The following HERC3 variants were observed in gnomAD, a reference collection of about 807,000 sequenced individuals.
The protein encoded by HERC3 is HECT and RLD domain containing E3 ubiquitin protein ligase 3.
HERC3 carries 58 observed loss-of-function variants against 129.9 expected under a neutral mutation model. The observed-to-expected ratio is 0.45, with a 90% CI of 0.36 to 0.56. HERC3 has a LOEUF of 0.56. HERC3 is among the 20% of genes least tolerant of loss of function. The pLI is 0.00. For synonymous variants in HERC3, 430 were observed against 451.0 expected, an observed-to-expected ratio of 0.95 and a Z score of 0.59; for missense variants, 835 against 1,244.2, an observed-to-expected ratio of 0.67 and a Z score of 4.95.
At chr4:88,663,609 G>T (rs1376022908) in intron 11 of HERC3, among the ~76,000 whole-genome samples, 3 of 152,124 alleles carry the variant, frequency 2.0e-5, no homozygotes, top group African/African-American at 7.2e-5. Flanking sequence ...AAGGCCCAGG[G>T]TTCCTGATGT....
At chr4:88,550,859 G>A in the HERC3 span, among the ~76,000 whole-genome samples, 1 of 151,886 alleles carries the variant, frequency 6.6e-6, no homozygotes, top group African/African-American at 2.4e-5. Flanking sequence ...AAAGCTGGAG[G>A]CATCACGTTA....
intron 3 of HERC3, among the ~76,000 whole-genome samples, chr4:88,639,113 C>T (rs571148848): frequency 6.6e-6 from 1 of 152,292 alleles, no homozygotes; most frequent in East Asian, 1.9e-4. Flanking sequence ...AATGGAAGAA[C>T]ATTCCATCCT....
intron 21 of HERC3, among the ~76,000 whole-genome samples, chr4:88,681,831 G>A (rs1051292134): frequency 6.6e-6 from 1 of 152,096 alleles, no homozygotes; most frequent in Non-Finnish European, 1.5e-5. Flanking sequence ...AGAAACACTC[G>A]AATTATTCTA....
At chr4:88,565,545 C>G in the HERC3 span, among the ~76,000 whole-genome samples, 15 of 152,202 alleles carry the variant, frequency 9.9e-5, no homozygotes, top group Admixed American at 9.8e-4. Context: ...ATAAGTATAG[C>G]TACTCCTACT....
upstream of HERC3, among the ~76,000 whole-genome samples, chr4:88,589,608 A>C (rs758367103): frequency 3.9e-5 from 6 of 152,196 alleles, no homozygotes; most frequent in Non-Finnish European, 7.3e-5. Context: ...TGCAGAAAGA[A>C]ATGGATGGAA....
chr4:88,701,590 C>T (rs1735320752), intron 23 of HERC3, among the ~76,000 whole-genome samples: 1 of 152,082 alleles, frequency 6.6e-6, no homozygotes, highest in East Asian at 1.9e-4. Flanking sequence ...CCACAGTCAA[C>T]AGGTATTTGC....
chr4:88,582,043 C>T, the HERC3 span, among the ~76,000 whole-genome samples: 1 of 152,154 alleles, frequency 6.6e-6, no homozygotes, highest in African/African-American at 2.4e-5. Context: ...ACCCCGTATA[C>T]TAAAGACATC....
At chr4:88,571,511 C>T in the HERC3 span, among the ~76,000 whole-genome samples, 1 of 152,052 alleles carries the variant, frequency 6.6e-6, no homozygotes, top group African/African-American at 2.4e-5. Flanking sequence ...TTTCTTTTTT[C>T]CCCCAGATCC....
the HERC3 span, among the ~76,000 whole-genome samples, chr4:88,563,110 A>G: frequency 6.6e-6 from 1 of 152,218 alleles, no homozygotes; most frequent in Non-Finnish European, 1.5e-5. Flanking sequence ...CATTTTAACA[A>G]TATTGATTAT....
the HERC3 span, among the ~76,000 whole-genome samples, chr4:88,558,088 A>AG: frequency 6.9e-6 from 1 of 145,506 alleles, no homozygotes; most frequent in African/African-American, 2.8e-5. Flanking sequence ...AAAAAAAAAA[A>AG]AAAAAAAGAA....
chr4:88,673,583 A>G (rs2149306132), intron 16 of HERC3, among the ~76,000 whole-genome samples: 1 of 152,320 alleles, frequency 6.6e-6, no homozygotes. Flanking sequence ...GTCCAAGACA[A>G]GTAGCCTCTC....
rs865867079 is a variant in HERC3 at position 88,633,949 on chromosome 4, C to T, written c.227-15891C>T. 8.5e-5 allele frequency among the ~76,000 whole-genome samples: 13 copies of T among 152,202 alleles called. No homozygotes were observed. In the East Asian group the frequency reaches 1.2e-3, roughly 14 times the overall value. Reference sequence around the variant, plus strand: ...GATTAAATGGTCAATTCGAGGGGGGCGGGGCCGAGATGGCCGATTGGAAGC... The same window carrying T: ...GATTAAATGGTCAATTCGAGGGGGGTGGGGCCGAGATGGCCGATTGGAAGC... On this transcript the variant is annotated intron_variant, in intron 3 of 25. Transcript: ENST00000402738.
At chr4:88,584,312 A>C in the HERC3 span, among the ~76,000 whole-genome samples, 4 of 152,210 alleles carry the variant, frequency 2.6e-5, no homozygotes, top group Non-Finnish European at 5.9e-5. Flanking sequence ...ATTTGAAGGG[A>C]AACTATTTAA....
At chr4:88,584,882 T>A in the HERC3 span, among the ~76,000 whole-genome samples, 1 of 152,248 alleles carries the variant, frequency 6.6e-6, no homozygotes, top group Non-Finnish European at 1.5e-5. Context: ...AAGAGGGATC[T>A]GGGTGACAAC....
chr4:88,523,972 A>G, the HERC3 span: 1 of 448,830 alleles, frequency 2.2e-6, no homozygotes, highest in Non-Finnish European at 3.9e-6. Flanking sequence ...AAACTAAACC[A>G]GTGTTTAAGT....
At chr4:88,584,751 A>C in the HERC3 span, among the ~76,000 whole-genome samples, 1 of 152,238 alleles carries the variant, frequency 6.6e-6, no homozygotes. Context: ...TGAATTTCCT[A>C]GCCTCCAGAC....
chr4:88,692,608 C>T (rs992531768), intron 23 of HERC3, among the ~76,000 whole-genome samples: 5 of 152,176 alleles, frequency 3.3e-5, no homozygotes, highest in African/African-American at 9.7e-5. Flanking sequence ...TGGACTATTA[C>T]AGGAACTGCA....
chr4:88,705,047 G>C (rs985033933), intron 25 of HERC3, among the ~76,000 whole-genome samples: 1 of 151,950 alleles, frequency 6.6e-6, no homozygotes, highest in African/African-American at 2.4e-5. Context: ...TTTTAGTAGA[G>C]ATGGGCTTTC....
At chr4:88,550,228 C>T in the HERC3 span, among the ~76,000 whole-genome samples, 6 of 152,166 alleles carry the variant, frequency 3.9e-5, no homozygotes, top group African/African-American at 1.4e-4. Context: ...TGGCACAAGA[C>T]AGGGATGCCC....
Sources: allele counts gnomAD v4.1 joint callset (sites outside exome capture counted in the v4.1 genomes callset), GRCh38; gene constraint gnomAD v4.1.1; transcripts MANE v1.5; gene names NCBI Gene and HGNC (gene_info 2026-07-23, HGNC 2026-07-21).